The following AMOT variants were observed in gnomAD, a reference collection of about 807,000 sequenced individuals.
AMOT encodes angiomotin.
Under a neutral mutation model 67.0 loss-of-function variants are expected in AMOT, and 11 were observed. The ratio of observed to expected loss-of-function variants is 0.16; its 90% CI spans 0.10 to 0.27. The LOEUF (loss-of-function observed/expected upper bound fraction) is 0.27. AMOT is among the 10% of genes least tolerant of loss of function. The pLI, the probability that AMOT is intolerant of heterozygous loss-of-function variation, is 1.00. For missense variants in AMOT, 753 were observed against 852.0 expected, an observed-to-expected ratio of 0.88 and a Z score of 1.45; for synonymous variants, 326 against 321.4, an observed-to-expected ratio of 1.01 and a Z score of -0.15.
At chrX:112,781,223 C>G in intron 11 of AMOT, 105 bp from the exon 12 acceptor site, 1 of 742,991 alleles carries the variant, frequency 1.3e-6, no homozygotes, top group East Asian at 3.2e-5. Flanking sequence ...GGGCGGATTG[C>G]AAAGTCAGGA....
At chrX:112,778,757 T>A in intron 13 of AMOT, 93 bp from the exon 14 acceptor site, 1 of 859,687 alleles carries the variant, frequency 1.2e-6, no homozygotes, top group South Asian at 2.5e-5. Flanking sequence ...ATGAAGCCAA[T>A]GGCAAAGTGA....
chrX:112,790,890 C>G, intron 9 of AMOT, 108 bp from the exon 10 acceptor site: 4 of 733,808 alleles, frequency 5.5e-6, no homozygotes, highest in Non-Finnish European at 7.4e-6. Flanking sequence ...TGTTTCGACT[C>G]TGATTCAGAA....
chrX:112,775,411 C>T lies in AMOT; in HGVS notation c.*3156G>A, dbSNP rs905660756. On this transcript the variant is annotated 3_prime_UTR_variant, in exon 14 of 14. Coordinates refer to ENST00000371959, the MANE Select transcript of AMOT (RefSeq NM_001113490.2). The stretch of plus-strand genomic sequence containing the variant: ...TGCATATGTATACACTTTAAGCTGC[C>T]GCATTATGAGGGTTTAGGCTTGTCA... 1 of 112,335 alleles carries T rather than the reference C, an allele frequency of 8.9e-6. No individual in the cohort carries two copies. The highest frequency in any genetic ancestry group is 3.2e-5 in the African/African-American group (1 of 30,809). The allele number at this position is 112,335 out of a possible 1,213,427, so 9.3% of individuals were successfully genotyped here.
At chrX:112,798,075 C>T (rs1013212013) in intron 8 of AMOT, among the ~76,000 whole-genome samples, 5 of 111,739 alleles carry the variant, frequency 4.5e-5, no homozygotes, top group East Asian at 2.8e-4. Flanking sequence ...GATGCTTTTA[C>T]GTTCACCAGT....
Position 112,779,054 on chromosome X carries a change from C to T in AMOT, c.3100G>A (p.Gly1034Ser), listed in dbSNP as rs771915548. 2.6e-5 allele frequency: 32 copies of T among 1,208,165 alleles called. No homozygotes were observed. The highest frequency in any genetic ancestry group is 3.4e-5 in the Non-Finnish European group (30 of 893,967). Residue 1034 changes from glycine to serine, a missense_variant, in exon 13 of 14, where the codon GGT (glycine) becomes AGT (serine). Gly to Ser is a moderately conservative substitution (Grantham distance 56). This residue lies in a region of AMOT where 269 missense variants were observed against 300.9 expected (regional missense o/e 0.89). Transcript: ENST00000371959. The stretch of plus-strand genomic sequence containing the variant: ...ATAGACAAACGATGTGGTCCAGGAC[C>T]GGTAGCTGGACTTGCAGGAACCTCA... ...QAEVPASPAT[G>S]PGPHRLSIPS... is the part of the protein sequence containing the mutation.
intron 10 of AMOT, among the ~76,000 whole-genome samples, chrX:112,783,421 A>G (rs1055473152): frequency 3.6e-5 from 4 of 111,640 alleles, no homozygotes; most frequent in African/African-American, 9.8e-5. Flanking sequence ...ACAGATGAAC[A>G]TTGGTAAATA....
chrX:112,807,315 TA>T (rs1934223121), intron 7 of AMOT, among the ~76,000 whole-genome samples: 1 of 110,528 alleles, frequency 9.0e-6, no homozygotes. Context: ...CCCCAGATTT[TA>T]CTATCACATC....
intron 7 of AMOT, among the ~76,000 whole-genome samples, chrX:112,805,437 T>G (rs1056529593): frequency 9.3e-6 from 1 of 108,059 alleles, no homozygotes; most frequent in Non-Finnish European, 1.9e-5. Flanking sequence ...GAAGAAAAGG[T>G]AGGCTCATCT....
chrX:112,797,931 C>T (rs1427175646), intron 8 of AMOT, among the ~76,000 whole-genome samples: 1 of 109,230 alleles, frequency 9.2e-6, no homozygotes, highest in Non-Finnish European at 1.9e-5. Flanking sequence ...AAAAAGCAAA[C>T]TCTTAAACTA....
chrX:112,782,508 C>T, intron 11 of AMOT, 32 bp downstream of exon 11: 2 of 1,210,234 alleles, frequency 1.7e-6, no homozygotes, highest in South Asian at 3.5e-5. Flanking sequence ...ATCAATGTCT[C>T]AGATTCCTCA....
intron 4 of AMOT, among the ~76,000 whole-genome samples, chrX:112,819,996 C>T (rs2147819434): frequency 8.9e-6 from 1 of 112,179 alleles, no homozygotes; most frequent in East Asian, 2.8e-4. Flanking sequence ...TGTGTCACCA[C>T]CTTAAAGCAG....
At chrX:112,805,205 G>T in intron 7 of AMOT, 113 bp from the exon 8 acceptor site, 1 of 893,413 alleles carries the variant, frequency 1.1e-6, no homozygotes, top group Non-Finnish European at 1.5e-6. Context: ...CTAGTGCACA[G>T]CTGAAGAACC....
rs778323947 is a variant in AMOT at position 112,780,913 on chromosome X, C to G, written c.2446G>C (p.Asp816His). Residue 816 changes from aspartate (D) to histidine (H), a missense_variant, in exon 12 of 14, where the codon GAC becomes CAC. Asp to His is a moderately conservative substitution (Grantham distance 81). Coordinates refer to ENST00000371959, the MANE Select transcript of AMOT (RefSeq NM_001113490.2). The stretch of plus-strand genomic sequence containing the variant: ...AGGCTCCCCTTCCAGCTCTTGTCGT[C>G]TCGCTTTTCTTCCATGATGGGGGAG... Reference protein sequence around the residue: ...TGSPIMEEKRDDKSWKGSLGI... With the variant: ...TGSPIMEEKRHDKSWKGSLGI... 1.1e-5 allele frequency: 13 copies of G among 1,211,924 alleles called. 1 individual carries two copies. The South Asian group carries it at 2.3e-4, about 21-fold the overall frequency.
intron 6 of AMOT, among the ~76,000 whole-genome samples, chrX:112,810,551 C>G (rs1403215685): frequency 1.8e-5 from 2 of 110,229 alleles, no homozygotes; most frequent in South Asian, 3.9e-4. Context: ...TCTACAAATA[C>G]AAAAATTAGC....
intron 8 of AMOT, 49 bp downstream of exon 8, chrX:112,804,898 T>TACCCCCCC: frequency 1.1e-5 from 9 of 837,583 alleles, no homozygotes; most frequent in East Asian, 3.8e-5. Context: ...GTCCCCGATT[T>TACCCCCCC]CCCAGCCCTC....
At chrX:112,804,006 A>AGG (rs1472319232) in intron 8 of AMOT, among the ~76,000 whole-genome samples, 8 of 111,884 alleles carry the variant, frequency 7.2e-5, no homozygotes, top group Non-Finnish European at 1.9e-5. Context: ...TCTAAGAGTT[A>AGG]GTAGTCCAGT....
chrX:112,790,550 T>C (rs1933533311), intron 10 of AMOT, 42 bp downstream of exon 10: 1 of 1,128,053 alleles, frequency 8.9e-7, no homozygotes, highest in Admixed American at 2.7e-5. Flanking sequence ...ATCAGTGACC[T>C]TTCTGTTCTT....
chrX:112,832,416 G>A (rs968080182), intron 1 of AMOT, 46 bp from the exon 2 acceptor site: 1 of 111,730 alleles, frequency 9.0e-6, no homozygotes, highest in East Asian at 2.8e-4. Context: ...TTTTAGAACT[G>A]GAGAGGGAAG....
intron 4 of AMOT, among the ~76,000 whole-genome samples, chrX:112,820,098 C>T (rs1043387894): frequency 2.7e-5 from 3 of 112,327 alleles, no homozygotes; most frequent in East Asian, 2.8e-4. Flanking sequence ...AACAATTTTA[C>T]GGCCAGTATT....
Sources: allele counts gnomAD v4.1 joint callset (sites outside exome capture counted in the v4.1 genomes callset), GRCh38; gene constraint gnomAD v4.1.1; regional missense constraint gnomAD v4.1.1; transcripts MANE v1.5; gene names NCBI Gene and HGNC (gene_info 2026-07-23, HGNC 2026-07-21).